Variants in TOX observed in about 807,000 individuals in gnomAD.
TOX encodes the protein thymocyte selection associated high mobility group box.
TOX carries 11 observed loss-of-function variants against 53.7 expected under a neutral mutation model. The ratio of observed to expected loss-of-function variants is 0.20; its 90% CI spans 0.13 to 0.34. The LOEUF (loss-of-function observed/expected upper bound fraction) is 0.34. Ranked by LOEUF, TOX falls within the 10% of genes least tolerant of loss-of-function variation. TOX has a pLI of 1.00. For synonymous variants in TOX, 225 were observed against 245.3 expected (o/e 0.92, Z 0.77); for missense variants, 570 against 664.6 (o/e 0.86, Z 1.56).
chr8:58,963,302 G>GATATATATATATAT (rs748048781), intron 1 of TOX, among the ~76,000 whole-genome samples: 1 of 122,048 alleles, frequency 8.2e-6, no homozygotes, highest in African/African-American at 3.8e-5. Flanking sequence ...AAGATAGATA[G>GATATATATATATAT]ATAGATATAT....
chr8:58,959,797 T>C, intron 2 of TOX, 146 bp downstream of exon 2: 1 of 932,066 alleles, frequency 1.1e-6, no homozygotes, highest in Non-Finnish European at 1.7e-6. Flanking sequence ...TCTCATTAAC[T>C]GGAAACAAGG....
chr8:58,868,182 C>CAATT (rs1481679788), intron 3 of TOX, among the ~76,000 whole-genome samples: 4 of 152,266 alleles, frequency 2.6e-5, no homozygotes, highest in Admixed American at 2.6e-4. Context: ...GTAAGACATG[C>CAATT]AATTGCTCCT....
chr8:58,863,453 C>T (rs909177462), intron 3 of TOX, among the ~76,000 whole-genome samples: 36 of 152,258 alleles, frequency 2.4e-4, no homozygotes, highest in Admixed American at 7.8e-4. Flanking sequence ...CTGTTACAGT[C>T]GCCACTGCCA....
intron 3 of TOX, among the ~76,000 whole-genome samples, chr8:58,870,310 C>CA (rs1257657707): frequency 6.6e-6 from 1 of 151,908 alleles, no homozygotes. Flanking sequence ...AACAGCACTC[C>CA]AAAAATGAAA....
intron 1 of TOX, among the ~76,000 whole-genome samples, chr8:58,961,721 T>C (rs948950128): frequency 6.6e-6 from 1 of 151,940 alleles, no homozygotes; most frequent in Admixed American, 6.6e-5. Flanking sequence ...AGAGGCAGGG[T>C]CTTGAACTCT....
At chr8:59,006,456 G>A (rs1170117472) in intron 1 of TOX, among the ~76,000 whole-genome samples, 2 of 152,136 alleles carry the variant, frequency 1.3e-5, no homozygotes, top group Non-Finnish European at 2.9e-5. Context: ...AGGAGGAGGA[G>A]GAGAGGTAGG....
At chr8:58,835,174 G>C (rs189145845) in intron 5 of TOX, among the ~76,000 whole-genome samples, 1 of 152,128 alleles carries the variant, frequency 6.6e-6, no homozygotes, top group Admixed American at 6.5e-5. Flanking sequence ...AAATGAATTT[G>C]CTCCCCCAAA....
At chr8:58,811,047 G>A (rs559852255) in intron 7 of TOX, among the ~76,000 whole-genome samples, 1 of 152,242 alleles carries the variant, frequency 6.6e-6, no homozygotes, top group Non-Finnish European at 1.5e-5. Context: ...AACAAGGACC[G>A]AGAAACATAC....
intron 1 of TOX, among the ~76,000 whole-genome samples, chr8:59,092,293 T>TTATA (rs1403765470): frequency 8.8e-6 from 1 of 113,520 alleles, no homozygotes; most frequent in African/African-American, 5.9e-5. Context: ...TATATATACA[T>TTATA]TATATATATT....
intron 2 of TOX, among the ~76,000 whole-genome samples, chr8:58,943,511 C>T (rs1812475560): frequency 6.6e-6 from 1 of 151,802 alleles, no homozygotes; most frequent in Non-Finnish European, 1.5e-5. Context: ...CTGGAGTTTA[C>T]AGATCATTCA....
chr8:59,119,043 C>A lies in TOX; in HGVS notation c.-56G>T. ...TTTTCCTTTTTTAAAAAAAAGTGTT[C>A]AGCAAAACAAGCTTAGACGGAACAG... On this transcript the variant is annotated 5_prime_UTR_variant, in exon 1 of 9. Transcript: ENST00000361421. 2 of 1,299,026 alleles carry A rather than the reference C, an allele frequency of 1.5e-6. No homozygotes were observed. The highest frequency in any genetic ancestry group is 1.2e-5 in the South Asian group (1 of 80,796). The allele number at this position is 1,299,026 out of a possible 1,614,324, so 80.5% of individuals were successfully genotyped here. A position where few individuals can be genotyped will look rare whatever the true frequency, so the allele number is the denominator to read the frequency against.
intron 1 of TOX, among the ~76,000 whole-genome samples, chr8:58,965,660 C>T (rs999758020): frequency 6.6e-6 from 1 of 152,058 alleles, no homozygotes; most frequent in Non-Finnish European, 1.5e-5. Flanking sequence ...AACAGTACCA[C>T]ATTGTATTGC....
At chr8:58,906,281 G>A (rs929947661) in intron 3 of TOX, among the ~76,000 whole-genome samples, 1 of 152,078 alleles carries the variant, frequency 6.6e-6, no homozygotes, top group Admixed American at 6.6e-5. Flanking sequence ...AAAGACAGTG[G>A]CTGTTCAATA....
rs184052587 is a variant in TOX, at chr8:58,810,283, C to T, written c.1393-2014G>A. On this transcript the variant is annotated intron_variant, in intron 7 of 8. Transcript: ENST00000361421. ...TCTCCCAAAGTGCTGGGATTATGGGCATGAGCCATTGTAGCCAGCTGCTAT... is the reference window on the plus strand; with the variant it reads ...TCTCCCAAAGTGCTGGGATTATGGGTATGAGCCATTGTAGCCAGCTGCTAT... Among the ~76,000 whole-genome samples, 4 of 150,900 alleles carry T rather than the reference C, an allele frequency of 2.7e-5. No individual in the cohort carries two copies. In the East Asian group the frequency reaches 8.0e-4, roughly 30 times the overall value.
At chr8:59,032,009 T>C (rs1323054439) in intron 1 of TOX, among the ~76,000 whole-genome samples, 1 of 152,182 alleles carries the variant, frequency 6.6e-6, no homozygotes, top group African/African-American at 2.4e-5. Flanking sequence ...CTCTCTATCT[T>C]CTGGGTGAAA....
chr8:58,941,227 G>A (rs149011744), intron 2 of TOX, among the ~76,000 whole-genome samples: 2 of 152,290 alleles, frequency 1.3e-5, no homozygotes, highest in East Asian at 3.9e-4. Context: ...CCTTGTACAA[G>A]TATGCATATA....
chr8:58,892,942 C>G (rs1024847977), intron 3 of TOX, among the ~76,000 whole-genome samples: 1 of 152,146 alleles, frequency 6.6e-6, no homozygotes, highest in South Asian at 2.1e-4. Flanking sequence ...TTATAAAATG[C>G]TACAGAACCG....
intron 3 of TOX, among the ~76,000 whole-genome samples, chr8:58,921,546 T>C (rs1488963718): frequency 2.0e-5 from 3 of 152,252 alleles, no homozygotes; most frequent in Non-Finnish European, 4.4e-5. Context: ...CTTTCAGTAT[T>C]TCTAATAACC....
At chr8:58,817,739 A>T (rs1810205221) in intron 6 of TOX, among the ~76,000 whole-genome samples, 1 of 152,218 alleles carries the variant, frequency 6.6e-6, no homozygotes, top group South Asian at 2.1e-4. Context: ...ATATTTATAA[A>T]AATGGATACA....
Sources: gnomAD v4.1 joint callset for allele counts (sites outside exome capture counted in the v4.1 genomes callset) on GRCh38, gnomAD v4.1.1 for gene constraint, MANE v1.5 for transcripts, NCBI Gene and HGNC (gene_info 2026-07-23, HGNC 2026-07-21) for gene names.